Variants in GAREM1 observed in about 807,000 individuals in gnomAD.
GAREM1 encodes GRB2-associated and regulator of MAPK protein 1.
Under a neutral mutation model 71.3 loss-of-function variants are expected in GAREM1, and 26 were observed. The observed-to-expected ratio is 0.36, with a 90% confidence interval of 0.27 to 0.51. The LOEUF is 0.51. Among genes scored for constraint, GAREM1 ranks in the 20% least tolerant of loss-of-function variants. The pLI is 0.95. For synonymous variants in GAREM1, 440 were observed against 433.2 expected, an observed-to-expected ratio of 1.02 and a Z score of -0.20; for missense variants, 1,026 against 1,103.1, an observed-to-expected ratio of 0.93 and a Z score of 0.99.
intron 1 of GAREM1, among the ~76,000 whole-genome samples, chr18:32,468,448 C>T (rs74527318): frequency 0.11 from 17,082 of 152,052 alleles, 1,144 homozygotes; most frequent in South Asian, 0.18. Flanking sequence ...GATTCTCAAG[C>T]GGCAATAAGG....
chr18:32,341,442 T>C (rs984270530), intron 2 of GAREM1, among the ~76,000 whole-genome samples: 1 of 152,192 alleles, frequency 6.6e-6, no homozygotes, highest in African/African-American at 2.4e-5. Context: ...TAAACATACA[T>C]GTGCATGTGT....
At chr18:32,316,261 C>A (rs1467358737) in intron 2 of GAREM1, among the ~76,000 whole-genome samples, 2 of 152,186 alleles carry the variant, frequency 1.3e-5, no homozygotes, top group Non-Finnish European at 2.9e-5. Flanking sequence ...CATAGTATAT[C>A]AGATTAATAG....
chr18:32,448,864 A>G (rs1189889866), intron 1 of GAREM1, among the ~76,000 whole-genome samples: 2 of 152,172 alleles, frequency 1.3e-5, no homozygotes. Context: ...GTAATCCCCA[A>G]GGTCCAGTTG....
intron 2 of GAREM1, among the ~76,000 whole-genome samples, chr18:32,368,089 A>G (rs2047943015): frequency 6.9e-6 from 1 of 145,446 alleles, no homozygotes; most frequent in Non-Finnish European, 1.5e-5. Flanking sequence ...ATGCCTTTTT[A>G]GGCCCAGCTC....
chr18:32,364,026 A>ATATATATATATTT (rs1336753011), intron 2 of GAREM1, among the ~76,000 whole-genome samples: 3 of 46,418 alleles, frequency 6.5e-5, no homozygotes, highest in African/African-American at 4.9e-4. Flanking sequence ...ATATATATAT[A>ATATATATATATTT]TGTTTTTTTT....
chr18:32,324,178 T>C (rs2047454180), intron 2 of GAREM1, among the ~76,000 whole-genome samples: 1 of 152,120 alleles, frequency 6.6e-6, no homozygotes, highest in Non-Finnish European at 1.5e-5. Flanking sequence ...AGCTGAGGTG[T>C]CTAGGAATTT....
rs755842401 is a variant in GAREM1 at position 32,288,203 on chromosome 18, C to T, written c.394G>A (p.Val132Ile). The T allele has an allele frequency of 6.3e-7, 1 of 1,582,780 alleles. No individual in the cohort carries two copies. The highest frequency in any genetic ancestry group is 1.2e-5 in the South Asian group (1 of 86,316). ...VMEDITFNVK[V>I]ASGECNEDTE... The stretch of plus-strand genomic sequence containing the variant: ...TCTTCATTGCATTCACCTGAAGCAA[C>T]CTACAATATAATAAATCACATTTTA... Residue 132 changes from valine (V) to isoleucine (I), a missense_variant and splice_region_variant, in exon 4 of 6, where the codon GTT becomes ATT. Coordinates refer to ENST00000269209, the MANE Select transcript of GAREM1 (RefSeq NM_001242409.2).
At chr18:32,284,920 G>T (rs999753815) in intron 4 of GAREM1, among the ~76,000 whole-genome samples, 2 of 151,642 alleles carry the variant, frequency 1.3e-5, no homozygotes, top group African/African-American at 4.8e-5. Flanking sequence ...CAGCTAATTT[G>T]TTGTATTTTT....
Position 32,268,351 on chromosome 18 carries a change from C to T in GAREM1, c.2151G>A (p.Lys717=). Reference sequence around the variant, plus strand: ...GTAAGGCAGGGCATGACGTACTCTGCTTTGTCACACCAGCTGCAAGAGATT... The same window carrying T: ...GTAAGGCAGGGCATGACGTACTCTGTTTTGTCACACCAGCTGCAAGAGATT... The part of the protein sequence containing the change: ...DVKSLAAGVT[K]QSTSCPALPP... The change falls in exon 6 of 6, where the codon AAG becomes AAA. Residue 717 remains lysine (K), a synonymous_variant. Transcript: ENST00000269209. 1.9e-6 allele frequency: 3 copies of T among 1,614,184 alleles called. No individual in the cohort carries two copies. Among genetic ancestry groups the T allele is most frequent in the Non-Finnish European group, 2.5e-6 (3 of 1,180,036 alleles).
chr18:32,419,719 C>T (rs1430194048), intron 1 of GAREM1, among the ~76,000 whole-genome samples: 2 of 152,156 alleles, frequency 1.3e-5, no homozygotes, highest in African/African-American at 4.8e-5. Context: ...TACACATAAT[C>T]TGGCATAACA....
chr18:32,442,844 T>A (rs1047650134), intron 1 of GAREM1, among the ~76,000 whole-genome samples: 2 of 152,124 alleles, frequency 1.3e-5, no homozygotes, highest in African/African-American at 2.4e-5. Flanking sequence ...CTGTTCAGGT[T>A]AACAGAGCAA....
chr18:32,274,327 C>T (rs1260365573), intron 4 of GAREM1, among the ~76,000 whole-genome samples: 1 of 152,072 alleles, frequency 6.6e-6, no homozygotes, highest in Non-Finnish European at 1.5e-5. Context: ...TATTTATATC[C>T]AGGAGGAAGG....
intron 4 of GAREM1, among the ~76,000 whole-genome samples, chr18:32,280,664 T>G (rs2041601020): frequency 6.6e-6 from 1 of 152,206 alleles, no homozygotes; most frequent in Admixed American, 6.5e-5. Flanking sequence ...GTTAGGTAAC[T>G]AAAACAGTAC....
intron 2 of GAREM1, among the ~76,000 whole-genome samples, chr18:32,331,024 A>G (rs2047529392): frequency 6.6e-6 from 1 of 152,226 alleles, no homozygotes; most frequent in Non-Finnish European, 1.5e-5. Flanking sequence ...CAAGCGCTGT[A>G]GTTCACAAAA....
intron 1 of GAREM1, among the ~76,000 whole-genome samples, chr18:32,436,788 G>T (rs2048683550): frequency 6.6e-6 from 1 of 152,130 alleles, no homozygotes; most frequent in South Asian, 2.1e-4. Context: ...TATTTATTCT[G>T]AGTATGTAAC....
chr18:32,269,959 G>A (rs2041433367), intron 5 of GAREM1, among the ~76,000 whole-genome samples: 1 of 152,182 alleles, frequency 6.6e-6, no homozygotes, highest in South Asian at 2.1e-4. Context: ...GTTTCCAGGA[G>A]AATCTAGTTG....
At chr18:32,380,532 C>A (rs928811024) in intron 2 of GAREM1, among the ~76,000 whole-genome samples, 2 of 147,510 alleles carry the variant, frequency 1.4e-5, no homozygotes, top group Non-Finnish European at 3.0e-5. Flanking sequence ...TCTGTCTGTC[C>A]AAAAAGTGAG....
At chr18:32,357,540 C>A (rs1388553814) in intron 2 of GAREM1, among the ~76,000 whole-genome samples, 1 of 152,128 alleles carries the variant, frequency 6.6e-6, no homozygotes, top group Non-Finnish European at 1.5e-5. Flanking sequence ...GGGCACAGGA[C>A]CCGAAGGGAT....
chr18:32,363,266 T>C (rs1043978850), intron 2 of GAREM1, among the ~76,000 whole-genome samples: 1 of 152,174 alleles, frequency 6.6e-6, no homozygotes, highest in Admixed American at 6.5e-5. Flanking sequence ...ACATGAATTA[T>C]TTTAAGCAAA....
Sources: allele counts gnomAD v4.1 joint callset (sites outside exome capture counted in the v4.1 genomes callset), GRCh38; gene constraint gnomAD v4.1.1; transcripts MANE v1.5; gene names NCBI Gene and HGNC (gene_info 2026-07-23, HGNC 2026-07-21).